The following TCF7L1 variants were observed in gnomAD, a reference collection of about 807,000 sequenced individuals.
TCF7L1 encodes the protein transcription factor 7 like 1, also known as transcription factor 7-like 1.
Under a neutral mutation model 63.7 loss-of-function variants are expected in TCF7L1, and 18 were observed. The observed-to-expected ratio is 0.28, with a 90% CI of 0.20 to 0.42. TCF7L1 has a LOEUF of 0.42. Among genes scored for constraint, TCF7L1 ranks in the 10% least tolerant of loss-of-function variants. The pLI, the probability that TCF7L1 is intolerant of heterozygous loss-of-function variation, is 1.00. For missense variants in TCF7L1, 654 were observed against 779.3 expected, an observed-to-expected ratio of 0.84 and a Z score of 1.91; for synonymous variants, 355 against 340.9, an observed-to-expected ratio of 1.04 and a Z score of -0.46.
intron 3 of TCF7L1, among the ~76,000 whole-genome samples, chr2:85,148,028 G>GTA (rs1279837075): frequency 6.6e-6 from 1 of 152,166 alleles, no homozygotes; most frequent in African/African-American, 2.4e-5. Flanking sequence ...GAGGGTAAGA[G>GTA]TATAGTAGGA....
chr2:85,162,344 A>G (rs1678307104), intron 3 of TCF7L1, among the ~76,000 whole-genome samples: 1 of 152,176 alleles, frequency 6.6e-6, no homozygotes, highest in East Asian at 1.9e-4. Flanking sequence ...TTCAAAGCTC[A>G]CTTTTAAAAG....
At chr2:85,280,098 G>A (rs147368307) in intron 3 of TCF7L1, among the ~76,000 whole-genome samples, 48 of 152,266 alleles carry the variant, frequency 3.2e-4, no homozygotes, top group Non-Finnish European at 5.6e-4. Flanking sequence ...AACCCTCATG[G>A]AGCTTGCAGT....
chr2:85,141,026 C>T (rs1332704274), intron 3 of TCF7L1, among the ~76,000 whole-genome samples: 1 of 152,076 alleles, frequency 6.6e-6, no homozygotes, highest in Non-Finnish European at 1.5e-5. Flanking sequence ...TGGCTTGTGC[C>T]TGTAATCCCA....
At chr2:85,219,673 A>G (rs1679800664) in intron 3 of TCF7L1, among the ~76,000 whole-genome samples, 2 of 152,172 alleles carry the variant, frequency 1.3e-5, no homozygotes, top group Non-Finnish European at 2.9e-5. Context: ...TGAACCCAGG[A>G]GTTTAAGACC....
chr2:85,272,250 T>C (rs1681167425), intron 3 of TCF7L1, among the ~76,000 whole-genome samples: 1 of 152,176 alleles, frequency 6.6e-6, no homozygotes, highest in Non-Finnish European at 1.5e-5. Flanking sequence ...TCTGGTTAGG[T>C]ACACTGAAGG....
chr2:85,283,496 A>T lies in TCF7L1; in HGVS notation c.443A>T (p.Tyr148Phe), dbSNP rs2104369005. The change falls in exon 4 of 12, where the codon TAC (tyrosine) becomes TTC (phenylalanine). Residue 148 changes from tyrosine (Y) to phenylalanine (F), a missense_variant and splice_region_variant. Around this residue, in one of 3 missense-constraint regions of TCF7L1, gnomAD observed 404 missense variants for 454.8 expected, o/e 0.89. Transcript: ENST00000282111. ...TTTTCTTTTCTGTTCCCTGTGCAGTACCTGCAGATGAAATGGCCCCTCCTC... is the reference window on the plus strand; with the variant it reads ...TTTTCTTTTCTGTTCCCTGTGCAGTTCCTGCAGATGAAATGGCCCCTCCTC... ...GPLSPGGARTYLQMKWPLLDV... is the reference protein window; with the variant it reads ...GPLSPGGARTFLQMKWPLLDV... The T allele has an allele frequency of 6.2e-7, 1 of 1,614,118 alleles. No individual in the cohort carries two copies. The highest frequency in any genetic ancestry group is 8.5e-7 in the Non-Finnish European group (1 of 1,180,008).
Position 85,133,592 on chromosome 2 carries a change from C to A in TCF7L1, c.-93C>A, listed in dbSNP as rs1677506405. The A allele has an allele frequency of 2.6e-6, 1 of 382,646 alleles. No individual in the cohort carries two copies. The highest frequency in any genetic ancestry group is 3.6e-6 in the Non-Finnish European group (1 of 281,146). The allele number at this position is 382,646 out of a possible 1,614,324, so 23.7% of individuals were successfully genotyped here. On this transcript the variant is annotated 5_prime_UTR_variant, in exon 1 of 12. Transcript: ENST00000282111. The surrounding 1 kb of genome is among the most constrained non-coding windows in gnomAD (Gnocchi z 4.4). ...TGTTGCGGCGGCTAGCGCAGCGGGC[C>A]CGCAAGCGGGCGGGAGGGGCGCCGG...
Position 85,306,858 on chromosome 2 carries a change from G to A in TCF7L1, c.1257+299G>A, listed in dbSNP as rs1682124739. ...TTTTTGTATTTTTAGTAGAGACGGG[G>A]TTTCACTGTGTTAACCAGGATGGTC... On this transcript the variant is annotated intron_variant, in intron 10 of 11. Coordinates refer to ENST00000282111, the MANE Select transcript of TCF7L1 (RefSeq NM_031283.3). This position sits in a 1 kb window ranked among gnomAD's most constrained non-coding sequence, Gnocchi z 4.3. Among the ~76,000 whole-genome samples the A allele has an allele frequency of 6.6e-6, 1 of 151,920 alleles. No homozygotes were observed. Among genetic ancestry groups the A allele is most frequent in the South Asian group, 2.1e-4 (1 of 4,824 alleles).
chr2:85,296,070 A>G lies in TCF7L1; in HGVS notation c.526-6414A>G, dbSNP rs1055606932. On this transcript the variant is annotated intron_variant, in intron 4 of 11. Transcript: ENST00000282111. The stretch of plus-strand genomic sequence containing the variant: ...TGGGACCATAGGCTTGAGCCATCAT[A>G]CCCAGCCAGTAACATTAACTTTTCA... 2.6e-5 allele frequency among the ~76,000 whole-genome samples: 4 copies of G among 152,100 alleles called. 1 individual carries two copies. In the South Asian group the frequency reaches 8.3e-4, roughly 32 times the overall value.
chr2:85,202,842 C>CT (rs112284321), intron 3 of TCF7L1, among the ~76,000 whole-genome samples: 34 of 151,296 alleles, frequency 2.2e-4, no homozygotes, highest in Admixed American at 6.6e-4. Flanking sequence ...AACTCTTTTT[C>CT]TTTTTTTTTG....
intron 5 of TCF7L1, chr2:85,303,685 A>AG (rs555737911): frequency 7.1e-4 from 319 of 446,754 alleles, no homozygotes; most frequent in Non-Finnish European, 1.1e-3. Flanking sequence ...GCAGCTAGAG[A>AG]GGGGGTGCAT....
intron 3 of TCF7L1, among the ~76,000 whole-genome samples, chr2:85,235,124 A>C (rs72840182): frequency 0.039 from 5,871 of 152,104 alleles, 114 homozygotes; most frequent in Non-Finnish European, 0.042. Flanking sequence ...TGGAAACCAG[A>C]GCTTACTGAG....
chr2:85,137,722 A>G (rs1336302638), intron 3 of TCF7L1, among the ~76,000 whole-genome samples: 1 of 152,012 alleles, frequency 6.6e-6, no homozygotes. Context: ...GTGAAACCCC[A>G]TCTGTACTAA....
intron 3 of TCF7L1, among the ~76,000 whole-genome samples, chr2:85,275,919 C>CAAAA (rs10657618): frequency 0.017 from 1,819 of 106,618 alleles, 41 homozygotes; most frequent in South Asian, 0.031. Flanking sequence ...GACTCCATCT[C>CAAAA]AAAAAAAAAA....
chr2:85,176,887 T>A (rs1399058574), intron 3 of TCF7L1, among the ~76,000 whole-genome samples: 1 of 149,106 alleles, frequency 6.7e-6, no homozygotes, highest in Non-Finnish European at 1.5e-5. Context: ...CTCAGGAGGC[T>A]GAGGCAGGAG....
rs1417442769 is a variant in TCF7L1 at position 85,142,455 on chromosome 2, T to A, written c.441+8005T>A. Reference sequence around the variant, plus strand: ...AAATGTGTGTGTGTGTGTGTGTGTGTGTGTGTGTGTTGTGTGTATATATAT... The same window carrying A: ...AAATGTGTGTGTGTGTGTGTGTGTGAGTGTGTGTGTTGTGTGTATATATAT... On this transcript the variant is annotated intron_variant, in intron 3 of 11. Transcript: ENST00000282111. Among the ~76,000 whole-genome samples, 818 of 89,462 alleles carry A rather than the reference T, an allele frequency of 9.1e-3. 16 individuals are homozygous for A. Among genetic ancestry groups the A allele is most frequent in the African/African-American group, 0.032 (781 of 24,542 alleles). 58.7% of individuals were successfully genotyped at this position (89,462 alleles called of 152,430 possible). A position where few individuals can be genotyped will look rare whatever the true frequency, so the allele number is the denominator to read the frequency against.
intron 4 of TCF7L1, among the ~76,000 whole-genome samples, chr2:85,287,545 G>T (rs1042986682): frequency 6.6e-6 from 1 of 152,160 alleles, no homozygotes; most frequent in African/African-American, 2.4e-5. Context: ...TTTTGTCTAA[G>T]GGCAGAGAAG....
Position 85,168,714 on chromosome 2 carries a change from C to T in TCF7L1, c.441+34264C>T, listed in dbSNP as rs542380728. Among the ~76,000 whole-genome samples, 39 of 152,196 alleles carry T rather than the reference C, an allele frequency of 2.6e-4. No homozygotes were observed. In the South Asian group the frequency reaches 6.8e-3, roughly 27 times the overall value. On this transcript the variant is annotated intron_variant, in intron 3 of 11. Transcript: ENST00000282111. ...TTGGCTCACTGCAACCTCCGCCTCC[C>T]GGAATCAAGTGATTCTCATGCCTCA...
intron 3 of TCF7L1, among the ~76,000 whole-genome samples, chr2:85,148,659 T>C (rs1163447158): frequency 6.6e-6 from 1 of 152,112 alleles, no homozygotes; most frequent in East Asian, 1.9e-4. Flanking sequence ...TAAAAAGAAA[T>C]TAGAAATGTT....
Sources: gnomAD v4.1 joint callset for allele counts (sites outside exome capture counted in the v4.1 genomes callset) on GRCh38, gnomAD v4.1.1 for gene constraint, gnomAD v4.1.1 regional missense constraint, Gnocchi (gnomAD v3.1) non-coding constraint, MANE v1.5 for transcripts, NCBI Gene and HGNC (gene_info 2026-07-23, HGNC 2026-07-21) for gene names.